The following HSF5 variants were observed in gnomAD, a reference collection of about 807,000 sequenced individuals.
The protein encoded by HSF5 is heat shock factor protein 5.
In HSF5, 5 loss-of-function variants were observed where a neutral mutation model predicts 50.8. The observed-to-expected ratio is 0.10, with a 90% CI of 0.05 to 0.21. The LOEUF is 0.21. HSF5 is among the 10% of genes least tolerant of loss of function. The pLI is 1.00. For missense variants in HSF5, 564 were observed against 762.6 expected (o/e 0.74, Z 3.07); for synonymous variants, 307 against 307.4 (o/e 1.00, Z 0.02).
At chr17:58,481,131 C>T (rs575147200) in intron 1 of HSF5, among the ~76,000 whole-genome samples, 18 of 152,258 alleles carry the variant, frequency 1.2e-4, no homozygotes, top group African/African-American at 4.1e-4. Flanking sequence ...AAAAGTCAGG[C>T]TTGAAAAGTT....
chr17:58,433,216 G>A (rs756324156), intron 5 of HSF5, among the ~76,000 whole-genome samples: 5 of 152,174 alleles, frequency 3.3e-5, no homozygotes, highest in Non-Finnish European at 1.5e-5. Flanking sequence ...GGCCAAGCTA[G>A]TCTCGCTTAA....
At chr17:58,426,230 T>A (rs562228659) in intron 5 of HSF5, among the ~76,000 whole-genome samples, 17 of 152,170 alleles carry the variant, frequency 1.1e-4, no homozygotes, top group Non-Finnish European at 2.1e-4. Context: ...ATTTTAATAA[T>A]TGGGCTTTAA....
chr17:58,481,788 C>T (rs1477101168), intron 1 of HSF5, among the ~76,000 whole-genome samples: 1 of 152,078 alleles, frequency 6.6e-6, no homozygotes, highest in African/African-American at 2.4e-5. Context: ...TCACTTGAGT[C>T]CAAGAGTTCA....
chr17:58,476,173 A>C (rs1359983134), intron 2 of HSF5: 6 of 1,004,022 alleles, frequency 6.0e-6, no homozygotes, highest in Non-Finnish European at 5.9e-6. Context: ...CCCCTTCATC[A>C]TCATCTTCAT....
intron 4 of HSF5, among the ~76,000 whole-genome samples, chr17:58,462,546 T>G (rs1974807730): frequency 6.6e-6 from 1 of 152,102 alleles, no homozygotes; most frequent in South Asian, 2.1e-4. Context: ...TTAGACAACC[T>G]CTCTTTAGAG....
At chr17:58,467,024 T>C (rs779042272) in intron 2 of HSF5, 45 bp from the exon 3 acceptor site, 23 of 1,243,484 alleles carry the variant, frequency 1.8e-5, no homozygotes, top group South Asian at 2.4e-5. Context: ...CACAATACAT[T>C]TCTATAGCAT....
chr17:58,473,869 AT>A (rs879322031), intron 2 of HSF5, among the ~76,000 whole-genome samples: 63 of 147,290 alleles, frequency 4.3e-4, no homozygotes, highest in African/African-American at 4.9e-4. Flanking sequence ...TTATAACACA[AT>A]TTTTTTTTTT....
At chr17:58,452,288 T>G (rs1366942729) in intron 5 of HSF5, among the ~76,000 whole-genome samples, 1 of 150,860 alleles carries the variant, frequency 6.6e-6, no homozygotes, top group South Asian at 2.1e-4. Flanking sequence ...AAGAAAGAAA[T>G]AATAAAAAAA....
At chr17:58,478,475 CAAAA>C (rs1189444544) in intron 2 of HSF5, among the ~76,000 whole-genome samples, 2 of 57,930 alleles carry the variant, frequency 3.5e-5, no homozygotes, top group African/African-American at 6.1e-5. Context: ...GACTCCATCT[CAAAA>C]AAAAAAAAAA....
At chr17:58,448,827 T>C (rs1213160314) in intron 5 of HSF5, among the ~76,000 whole-genome samples, 1 of 152,236 alleles carries the variant, frequency 6.6e-6, no homozygotes, top group Admixed American at 6.5e-5. Context: ...TTGTGATATA[T>C]AAACCACTGA....
At chr17:58,444,879 G>A (rs190603657) in intron 5 of HSF5, among the ~76,000 whole-genome samples, 10 of 152,012 alleles carry the variant, frequency 6.6e-5, no homozygotes, top group African/African-American at 1.9e-4. Flanking sequence ...TCCTACAACT[G>A]AACAACACCA....
chr17:58,485,244 C>A (rs764775838), intron 1 of HSF5, among the ~76,000 whole-genome samples: 1 of 152,076 alleles, frequency 6.6e-6, no homozygotes, highest in East Asian at 1.9e-4. Flanking sequence ...TGAGCCACCA[C>A]GCCCGGCCCC....
intron 5 of HSF5, among the ~76,000 whole-genome samples, chr17:58,424,682 A>C (rs535811275): frequency 3.9e-5 from 6 of 152,056 alleles, no homozygotes; most frequent in Non-Finnish European, 8.8e-5. Context: ...GCTACTCAGA[A>C]GGCTGAGGCG....
In HSF5 at chr17:58,427,932, C is replaced by T. The variant is rs115412088; in HGVS notation, c.1721-5502G>A. On this transcript the variant is annotated intron_variant, in intron 5 of 5. Transcript: ENST00000323777. ...TTTATGGCCCATATGGTCCCTATGGCAATTGATCAATTCTGCTATTGTAGC... is the reference window on the plus strand; with the variant it reads ...TTTATGGCCCATATGGTCCCTATGGTAATTGATCAATTCTGCTATTGTAGC... Among the ~76,000 whole-genome samples the T allele has an allele frequency of 6.8e-3, 1,034 of 152,316 alleles. 8 individuals are homozygous for T. Among genetic ancestry groups the T allele is most frequent in the African/African-American group, 0.023 (970 of 41,574 alleles).
chr17:58,484,583 T>C (rs574536060), intron 1 of HSF5, among the ~76,000 whole-genome samples: 6 of 144,670 alleles, frequency 4.1e-5, no homozygotes, highest in African/African-American at 1.6e-4. Flanking sequence ...CCACCAGACA[T>C]GCAACCTGAA....
intron 4 of HSF5, among the ~76,000 whole-genome samples, chr17:58,459,767 G>A (rs1397870651): frequency 2.0e-5 from 3 of 151,794 alleles, no homozygotes; most frequent in Admixed American, 2.0e-4. Context: ...GTTTACAGAC[G>A]TGAGCCACCA....
intron 5 of HSF5, among the ~76,000 whole-genome samples, chr17:58,430,944 T>C (rs1974356955): frequency 6.6e-6 from 1 of 152,166 alleles, no homozygotes; most frequent in South Asian, 2.1e-4. Flanking sequence ...ACTGATATAG[T>C]TTGGCTGTCC....
At position 58,425,406 on chromosome 17, in the gene HSF5, T is replaced by TA. The variant is rs35148302; in HGVS notation, c.1721-2977dup. 1.8e-3 allele frequency among the ~76,000 whole-genome samples: 241 copies of TA among 135,596 alleles called. No homozygotes were observed. In the South Asian group the frequency reaches 0.018, roughly 10 times the overall value. The allele number at this position is 135,596 out of a possible 152,430, so 89.0% of individuals were successfully genotyped here. On this transcript the variant is annotated intron_variant, in intron 5 of 5. Coordinates refer to ENST00000323777, the MANE Select transcript of HSF5 (RefSeq NM_001080439.3). ...GGGAAACAAGAGTGAAACTCCACCT[T>TA]AAAAAAAAAAAAAAAATTACAATGT...
At chr17:58,465,356 T>C (rs1000849802) in intron 3 of HSF5, among the ~76,000 whole-genome samples, 16 of 152,058 alleles carry the variant, frequency 1.1e-4, no homozygotes, top group African/African-American at 3.9e-4. Context: ...AAGGTCTTTA[T>C]AAAAATGTTT....
Sources: allele counts gnomAD v4.1 joint callset (sites outside exome capture counted in the v4.1 genomes callset), GRCh38; gene constraint gnomAD v4.1.1; transcripts MANE v1.5; gene names NCBI Gene and HGNC (gene_info 2026-07-23, HGNC 2026-07-21).